The following CELF6 variants were observed in gnomAD, a reference collection of about 807,000 sequenced individuals.
CELF6 encodes Bruno -like 6, RNA binding protein.
In CELF6, 32 loss-of-function variants were observed where a neutral mutation model predicts 53.1. The ratio of observed to expected loss-of-function variants is 0.60; its 90% CI spans 0.46 to 0.81. The LOEUF (loss-of-function observed/expected upper bound fraction) is 0.81, where lower values mean the gene tolerates loss of function less well. CELF6 is among the 30% of genes least tolerant of loss of function. The pLI is 0.00. For synonymous variants in CELF6, 291 were observed against 288.8 expected, an observed-to-expected ratio of 1.01 and a Z score of -0.08; for missense variants, 539 against 669.5, an observed-to-expected ratio of 0.81 and a Z score of 2.15.
chr15:72,295,593 G>C (rs191839675), intron 3 of CELF6, among the ~76,000 whole-genome samples: 36 of 151,824 alleles, frequency 2.4e-4, no homozygotes, highest in African/African-American at 8.7e-4. Context: ...GCTGGGCGTG[G>C]TGGTGGGTGC....
chr15:72,307,231 C>A (rs547636028), intron 2 of CELF6, among the ~76,000 whole-genome samples: 1 of 152,054 alleles, frequency 6.6e-6, no homozygotes, highest in African/African-American at 2.4e-5. Flanking sequence ...CTCTGGGGGA[C>A]GCCACCTTCT....
chr15:72,313,378 C>T (rs1306255171), intron 2 of CELF6, among the ~76,000 whole-genome samples: 1 of 152,248 alleles, frequency 6.6e-6, no homozygotes, highest in East Asian at 1.9e-4. Context: ...GGGTGGATCA[C>T]TTGAGGCCAG....
chr15:72,302,436 T>C (rs980897891), intron 3 of CELF6, among the ~76,000 whole-genome samples: 62 of 152,358 alleles, frequency 4.1e-4, no homozygotes, highest in Middle Eastern at 3.4e-3. Context: ...TTGCTTTTCC[T>C]GCTCTTTTAA....
chr15:72,298,232 G>A (rs146464024), intron 3 of CELF6, among the ~76,000 whole-genome samples: 1 of 152,304 alleles, frequency 6.6e-6, no homozygotes, highest in East Asian at 1.9e-4. Flanking sequence ...AAAGAACTTG[G>A]AAAAGATGGC....
chr15:72,291,893 T>A (rs1412543385), intron 3 of CELF6, among the ~76,000 whole-genome samples: 1 of 152,122 alleles, frequency 6.6e-6, no homozygotes, highest in Non-Finnish European at 1.5e-5. Flanking sequence ...GGAATTCTGA[T>A]GGAGGAAAGA....
rs1335804204 is a variant in CELF6, at chr15:72,288,487, A to G, written c.1175-36T>C. 6.2e-7 allele frequency: 1 copy of G among 1,613,676 alleles called. No individual in the cohort carries two copies. The highest frequency in any genetic ancestry group is 8.5e-7 in the Non-Finnish European group (1 of 1,179,716). Reference sequence around the variant, plus strand: ...AGTAGCAAGCTGGTTCAGGGGAAGGACCCTGAGTCCAGCCCCACCAGGTTC... The same window carrying G: ...AGTAGCAAGCTGGTTCAGGGGAAGGGCCCTGAGTCCAGCCCCACCAGGTTC... On this transcript the variant is annotated intron_variant, in intron 10 of 12. Coordinates refer to ENST00000287202, the MANE Select transcript of CELF6 (RefSeq NM_052840.5). This position sits in a 1 kb window ranked among gnomAD's most constrained non-coding sequence, Gnocchi z 4.6.
intron 1 of CELF6, among the ~76,000 whole-genome samples, chr15:72,316,287 T>G (rs536235166): frequency 6.7e-4 from 102 of 152,278 alleles, no homozygotes; most frequent in Non-Finnish European, 1.2e-3. Context: ...AGACTTCCCC[T>G]TCCTTTTTGG....
At position 72,296,040 on chromosome 15, in the gene CELF6, C is replaced by T. The variant is rs539181729; in HGVS notation, c.395-5785G>A. Among the ~76,000 whole-genome samples the T allele has an allele frequency of 3.9e-5, 6 of 152,152 alleles. No individual in the cohort carries two copies. In the East Asian group the frequency reaches 1.2e-3, roughly 29 times the overall value. On this transcript the variant is annotated intron_variant, in intron 3 of 12. Transcript: ENST00000287202. The stretch of plus-strand genomic sequence containing the variant: ...CTGGCATAAAGATAAATATATAGAC[C>T]AATGGAATAGAACAGAAATCCCAGA...
chr15:72,294,033 C>T (rs1192498885), intron 3 of CELF6, among the ~76,000 whole-genome samples: 1 of 152,032 alleles, frequency 6.6e-6, no homozygotes, highest in African/African-American at 2.4e-5. Context: ...GGCTTAGGCT[C>T]CCAGAGGCCC....
At chr15:72,300,316 G>A (rs1459067142) in intron 3 of CELF6, among the ~76,000 whole-genome samples, 1 of 151,090 alleles carries the variant, frequency 6.6e-6, no homozygotes, top group Non-Finnish European at 1.5e-5. Context: ...AGCTATGATG[G>A]TGCCACTGCA....
In CELF6 at chr15:72,311,931, A is replaced by G. The variant is rs138790421; in HGVS notation, c.345+3914T>C. Reference sequence around the variant, plus strand: ...ATTTTTGCCCCCATCTGCCCTCTCTACCCAAGCTGTTTTGTGCAGGGCACA... The same window carrying G: ...ATTTTTGCCCCCATCTGCCCTCTCTGCCCAAGCTGTTTTGTGCAGGGCACA... On this transcript the variant is annotated intron_variant, in intron 2 of 12. Transcript: ENST00000287202. 2.0e-3 allele frequency among the ~76,000 whole-genome samples: 311 copies of G among 152,238 alleles called. 2 individuals are homozygous for G. Among genetic ancestry groups the G allele is most frequent in the Non-Finnish European group, 3.6e-3 (247 of 68,010 alleles).
At chr15:72,315,374 G>A (rs2088349712) in intron 2 of CELF6, among the ~76,000 whole-genome samples, 1 of 152,180 alleles carries the variant, frequency 6.6e-6, no homozygotes. Flanking sequence ...AGTGTTTGCA[G>A]TGTGGAGGGA....
rs769697445 is a variant in CELF6 at position 72,288,397 on chromosome 15, G to A, written c.1229C>T (p.Ala410Val). 6.8e-6 allele frequency: 11 copies of A among 1,614,038 alleles called. No homozygotes were observed. The highest frequency in any genetic ancestry group is 2.2e-5 in the South Asian group (2 of 91,072). The change falls in exon 11 of 13, where the codon GCG (alanine) becomes GTG (valine). Residue 410 changes from alanine (A) to valine (V), a missense_variant. By Grantham distance (64) the Ala-to-Val change is moderately conservative. Coordinates refer to ENST00000287202, the MANE Select transcript of CELF6 (RefSeq NM_052840.5). The surrounding 1 kb of genome is among the most constrained non-coding windows in gnomAD (Gnocchi z 4.6). The stretch of plus-strand genomic sequence containing the variant: ...GGGCAGGAATGTCTGTATGAGTTCC[G>A]CATCACCAAACTCCTGAGGCAGGTG... ...IYHLPQEFGD[A>V]ELIQTFLPFG...
intron 3 of CELF6, among the ~76,000 whole-genome samples, chr15:72,301,982 G>A (rs1433972549): frequency 1.3e-5 from 2 of 152,102 alleles, no homozygotes; most frequent in Non-Finnish European, 2.9e-5. Flanking sequence ...TGATCCGCCC[G>A]CCTCGGCCTC....
Position 72,320,016 on chromosome 15 carries a change from G to T in CELF6, c.-142C>A, listed in dbSNP as rs1331486404. The T allele has an allele frequency of 1.3e-5, 10 of 784,230 alleles. No individual in the cohort carries two copies. In the East Asian group the frequency reaches 3.1e-4, roughly 25 times the overall value. 48.6% of individuals were successfully genotyped at this position (784,230 alleles called of 1,614,324 possible). ...GGGGGCTGCCCAGGGGGCGGGGTCC[G>T]GGTGGAGGGGCGTAGAGGGGGTGGG... On this transcript the variant is annotated 5_prime_UTR_variant, in exon 1 of 13. Coordinates refer to ENST00000287202, the MANE Select transcript of CELF6 (RefSeq NM_052840.5).
intron 3 of CELF6, among the ~76,000 whole-genome samples, chr15:72,295,392 G>A (rs2088064627): frequency 6.6e-6 from 1 of 151,680 alleles, no homozygotes; most frequent in African/African-American, 2.4e-5. Flanking sequence ...CTTAACCCAG[G>A]AGGTGAAAGA....
chr15:72,289,403 C>T lies in CELF6; in HGVS notation c.852G>A (p.Leu284=). 1 of 1,555,990 alleles carries T rather than the reference C, an allele frequency of 6.4e-7. No homozygotes were observed. Among genetic ancestry groups the T allele is most frequent in the East Asian group, 2.3e-5 (1 of 42,650 alleles). The change falls in exon 7 of 13, where the codon CTG becomes CTA. Residue 284 remains leucine (L), a synonymous_variant. Transcript: ENST00000287202. This position sits in a 1 kb window ranked among gnomAD's most constrained non-coding sequence, Gnocchi z 7.6. ...AQMQHVAAFS[L]VAAPLLPAAA... Reference sequence around the variant, plus strand: ...CCGCGGGCAACAGAGGCGCAGCTACCAGGCTAAAGGCCGCCACGTGTTGCA... The same window carrying T: ...CCGCGGGCAACAGAGGCGCAGCTACTAGGCTAAAGGCCGCCACGTGTTGCA...
chr15:72,316,021 C>G, intron 1 of CELF6, 94 bp from the exon 2 acceptor site: 1 of 794,760 alleles, frequency 1.3e-6, no homozygotes, highest in Non-Finnish European at 2.0e-6. Flanking sequence ...TAAGGCCACT[C>G]TCCTTTAAGC....
rs1377177706 is a variant in CELF6 at position 72,289,473 on chromosome 15, G to C, written c.782C>G (p.Ala261Gly). 6.5e-7 allele frequency: 1 copy of C among 1,531,068 alleles called. No individual in the cohort carries two copies. The highest frequency in any genetic ancestry group is 8.7e-7 in the Non-Finnish European group (1 of 1,144,578). 94.8% of individuals were successfully genotyped at this position (1,531,068 alleles called of 1,614,324 possible). Residue 261 changes from alanine to glycine, a missense_variant, in exon 7 of 13, where the codon GCA (alanine) becomes GGA (glycine). Ala to Gly is a moderately conservative substitution (Grantham distance 60). Coordinates refer to ENST00000287202, the MANE Select transcript of CELF6 (RefSeq NM_052840.5). The surrounding 1 kb of genome is among the most constrained non-coding windows in gnomAD (Gnocchi z 7.6). The stretch of plus-strand genomic sequence containing the variant: ...CACCGGGCCTAGGCCTGGGCCCTGT[G>C]CCGCCGCCAGCAGGGCCGCCTGGTG... ...LQHQAALLAA[A>G]QGPGLGPVAA... is the part of the protein sequence containing the mutation.
Sources: gnomAD v4.1 joint callset for allele counts (sites outside exome capture counted in the v4.1 genomes callset) on GRCh38, gnomAD v4.1.1 for gene constraint, Gnocchi (gnomAD v3.1) non-coding constraint, MANE v1.5 for transcripts, NCBI Gene and HGNC (gene_info 2026-07-23, HGNC 2026-07-21) for gene names.